MGAT4C: variants seen among roughly 807,000 people sequenced by gnomAD.
The protein encoded by MGAT4C is alpha-1,3-mannosyl-glycoprotein 4-beta-N-acetylglucosaminyltransferase C.
Under a neutral mutation model 40.1 loss-of-function variants are expected in MGAT4C, and 19 were observed. The ratio of observed to expected loss-of-function variants is 0.47; its 90% CI spans 0.33 to 0.70. The LOEUF (loss-of-function observed/expected upper bound fraction) is 0.70, where lower values mean the gene tolerates loss of function less well. MGAT4C is among the 30% of genes least tolerant of loss of function. The pLI, the probability that MGAT4C is intolerant of heterozygous loss-of-function variation, is 0.02. For missense variants in MGAT4C, 491 were observed against 563.2 expected (o/e 0.87, Z 1.30); for synonymous variants, 181 against 187.1 (o/e 0.97, Z 0.27).
chr12:86,073,103 G>A (rs1868900677), intron 1 of MGAT4C, among the ~76,000 whole-genome samples: 2 of 152,142 alleles, frequency 1.3e-5, no homozygotes, highest in South Asian at 4.1e-4. Flanking sequence ...ATTGAATCAT[G>A]GGGGTGGTTT....
rs891993431 is a variant in MGAT4C, at chr12:86,158,116, T to A, written c.-57+98123A>T. Among the ~76,000 whole-genome samples the A allele has an allele frequency of 8.5e-5, 13 of 152,294 alleles. 1 individual carries two copies. Among genetic ancestry groups the A allele is most frequent in the African/African-American group, 3.1e-4 (13 of 41,566 alleles). ...CTAGATGTTGGATCATTACTTTACA[T>A]ATATATATCTCCTTCTAATAAATCA... On this transcript the variant is annotated intron_variant, in intron 1 of 4. Transcript: ENST00000611864.
At chr12:86,569,943 C>G (rs1960294420) in intron 2 of MGAT4C, among the ~76,000 whole-genome samples, 1 of 151,924 alleles carries the variant, frequency 6.6e-6, no homozygotes, top group African/African-American at 2.4e-5. Flanking sequence ...GTAAAATAAA[C>G]AAAGCATAAA....
chr12:86,201,856 T>C (rs1950064509), intron 1 of MGAT4C, among the ~76,000 whole-genome samples: 1 of 152,108 alleles, frequency 6.6e-6, no homozygotes, highest in Admixed American at 6.5e-5. Context: ...TTAGTGCAGA[T>C]ATATTGCATG....
rs553848503 is a variant in MGAT4C at position 86,177,277 on chromosome 12, T to G, written c.-57+78962A>C. On this transcript the variant is annotated intron_variant, in intron 1 of 4. Coordinates refer to ENST00000611864, the MANE Select transcript of MGAT4C (RefSeq NM_001351288.2). ...TGATACTCAGTATGAAAATAGATAT[T>G]CTGATGGCATTACCTTCCCTAGGAT... Among the ~76,000 whole-genome samples the G allele has an allele frequency of 2.1e-3, 320 of 152,288 alleles. 1 individual carries two copies. The highest frequency in any genetic ancestry group is 3.4e-3 in the Middle Eastern group (1 of 294).
chr12:86,402,132 C>A (rs565735404), intron 3 of MGAT4C, among the ~76,000 whole-genome samples: 110 of 151,866 alleles, frequency 7.2e-4, no homozygotes, highest in Middle Eastern at 3.4e-3. Context: ...ACAATGCAAG[C>A]AGAATAATAC....
chr12:86,495,061 C>A (rs997405218), intron 2 of MGAT4C, among the ~76,000 whole-genome samples: 3 of 152,026 alleles, frequency 2.0e-5, no homozygotes, highest in Non-Finnish European at 4.4e-5. Context: ...AATTCCACTT[C>A]TAAGAATATA....
rs577696061 is a variant in MGAT4C at position 86,763,573 on chromosome 12, T to C, written c.-261-36332A>G. ...GTCCATATCTATGCTTTGAATACTA[T>C]ACAAAAATAATTCATAATGATTCTG... is the stretch of plus-strand genomic sequence containing the variant. On this transcript the variant is annotated intron_variant, in intron 1 of 7. Transcript: ENST00000548651. Among the ~76,000 whole-genome samples, 6 of 152,346 alleles carry C rather than the reference T, an allele frequency of 3.9e-5. No homozygotes were observed. The South Asian group carries it at 6.2e-4, about 16-fold the overall frequency.
intron 1 of MGAT4C, among the ~76,000 whole-genome samples, chr12:86,758,347 C>G (rs967628184): frequency 2.7e-5 from 4 of 147,552 alleles, no homozygotes; most frequent in African/African-American, 7.4e-5. Flanking sequence ...GAAAATAAAG[C>G]TAGGGAACAT....
chr12:86,158,662 A>G (rs1195907465), intron 1 of MGAT4C, among the ~76,000 whole-genome samples: 1 of 152,160 alleles, frequency 6.6e-6, no homozygotes, highest in East Asian at 1.9e-4. Flanking sequence ...TTTTATAAAA[A>G]CAATGAAGGT....
chr12:86,726,489 A>G (rs1156229758), intron 2 of MGAT4C, among the ~76,000 whole-genome samples: 2 of 152,206 alleles, frequency 1.3e-5, no homozygotes, highest in Non-Finnish European at 2.9e-5. Context: ...GTCTATTCAC[A>G]TTAAGCAAAA....
chr12:86,012,726 T>C (rs1257570180), intron 2 of MGAT4C, among the ~76,000 whole-genome samples: 1 of 150,570 alleles, frequency 6.6e-6, no homozygotes, highest in African/African-American at 2.5e-5. Flanking sequence ...CACTGCAGCC[T>C]GGGCAGCAAG....
chr12:86,285,716 G>A (rs1456616041), intron 4 of MGAT4C, among the ~76,000 whole-genome samples: 2 of 151,888 alleles, frequency 1.3e-5, no homozygotes, highest in African/African-American at 4.8e-5. Context: ...AGAGATGTAT[G>A]TAAAGATCTG....
At chr12:86,212,331 G>A (rs1038195618) in intron 1 of MGAT4C, among the ~76,000 whole-genome samples, 2 of 152,090 alleles carry the variant, frequency 1.3e-5, no homozygotes, top group Non-Finnish European at 2.9e-5. Context: ...GGTTTTGGAC[G>A]TAGAGAATAT....
At chr12:86,833,719 G>A (rs1013765292) in intron 1 of MGAT4C, among the ~76,000 whole-genome samples, 1 of 151,796 alleles carries the variant, frequency 6.6e-6, no homozygotes, top group African/African-American at 2.4e-5. Context: ...TGAAATTTAG[G>A]GAGACGCAAT....
chr12:86,364,184 AAAG>A (rs1955543287), intron 3 of MGAT4C, among the ~76,000 whole-genome samples: 1 of 152,136 alleles, frequency 6.6e-6, no homozygotes, highest in African/African-American at 2.4e-5. Context: ...AAATTAAAAA[AAAG>A]AAGAAACATT....
intron 1 of MGAT4C, among the ~76,000 whole-genome samples, chr12:86,172,157 C>A (rs1263746474): frequency 6.6e-6 from 1 of 152,070 alleles, no homozygotes; most frequent in Non-Finnish European, 1.5e-5. Context: ...CATCTGAGAA[C>A]AGGATCTGGC....
At chr12:86,470,086 G>GT (rs1957737345) in intron 2 of MGAT4C, among the ~76,000 whole-genome samples, 2 of 152,092 alleles carry the variant, frequency 1.3e-5, no homozygotes, top group African/African-American at 4.8e-5. Flanking sequence ...TGGAATTTGA[G>GT]TTTTTTAATA....
intron 1 of MGAT4C, among the ~76,000 whole-genome samples, chr12:86,773,945 C>CTTT (rs140530916): frequency 1.7e-5 from 1 of 58,464 alleles, no homozygotes; most frequent in African/African-American, 6.9e-5. Context: ...AAAGTAACTT[C>CTTT]TTTTTTTTTT....
In MGAT4C at chr12:86,233,978, A is replaced by G. The variant is rs953695547; in HGVS notation, c.-57+22261T>C. 2.0e-5 allele frequency among the ~76,000 whole-genome samples: 3 copies of G among 152,322 alleles called. 1 individual carries two copies. Among genetic ancestry groups the G allele is most frequent in the African/African-American group, 7.2e-5 (3 of 41,594 alleles). ...ATGGATTAATTAAATGTTCTTATATAGAACTGGATATTTTATTCTCAAGTG... is the reference window on the plus strand; with the variant it reads ...ATGGATTAATTAAATGTTCTTATATGGAACTGGATATTTTATTCTCAAGTG... On this transcript the variant is annotated intron_variant, in intron 1 of 4. Transcript: ENST00000611864.
Sources: allele counts gnomAD v4.1 joint callset (sites outside exome capture counted in the v4.1 genomes callset), GRCh38; gene constraint gnomAD v4.1.1; transcripts MANE v1.5; gene names NCBI Gene and HGNC (gene_info 2026-07-23, HGNC 2026-07-21).